BAZ2B: variants seen among roughly 807,000 people sequenced by gnomAD.
BAZ2B encodes bromodomain adjacent to zinc finger domain protein 2B.
In BAZ2B, 91 loss-of-function variants were observed where a neutral mutation model predicts 246.0. The observed-to-expected ratio is 0.37, with a 90% CI of 0.31 to 0.44. The LOEUF (loss-of-function observed/expected upper bound fraction) is 0.44, where lower values mean the gene tolerates loss of function less well. Ranked by LOEUF, BAZ2B falls within the 20% of genes least tolerant of loss-of-function variation. The pLI, the probability that BAZ2B is intolerant of heterozygous loss-of-function variation, is 1.00. For missense variants in BAZ2B, 2,332 were observed against 2,533.7 expected (o/e 0.92, Z 1.71); for synonymous variants, 855 against 860.0 (o/e 0.99, Z 0.10).
At chr2:159,590,948 A>G (rs1267390517) in intron 1 of BAZ2B, among the ~76,000 whole-genome samples, 3 of 152,178 alleles carry the variant, frequency 2.0e-5, no homozygotes, top group Non-Finnish European at 2.9e-5. Flanking sequence ...TCTTGAGTTG[A>G]TAAACATATA....
chr2:159,700,567 T>A, the BAZ2B span, among the ~76,000 whole-genome samples: 1 of 152,178 alleles, frequency 6.6e-6, no homozygotes, highest in African/African-American at 2.4e-5. Flanking sequence ...TGCCTCAGCC[T>A]CTCGAGTAGC....
chr2:159,530,188 C>G (rs1439463668), intron 2 of BAZ2B, among the ~76,000 whole-genome samples: 2 of 152,226 alleles, frequency 1.3e-5, no homozygotes, highest in Non-Finnish European at 2.9e-5. Flanking sequence ...CCTTCACCCT[C>G]TAAAACAGAG....
chr2:159,596,334 A>C (rs1248540863), intron 1 of BAZ2B, among the ~76,000 whole-genome samples: 1 of 152,218 alleles, frequency 6.6e-6, no homozygotes, highest in Non-Finnish European at 1.5e-5. Flanking sequence ...GCATTTTAGC[A>C]AATTTTAGTA....
chr2:159,676,646 T>TGC, the BAZ2B span, among the ~76,000 whole-genome samples: 1 of 23,142 alleles, frequency 4.3e-5, no homozygotes, highest in Non-Finnish European at 1.1e-4. Context: ...GGTATCTAAA[T>TGC]GCACACACAC....
At chr2:159,640,005 G>C in the BAZ2B span, among the ~76,000 whole-genome samples, 3 of 151,852 alleles carry the variant, frequency 2.0e-5, no homozygotes, top group African/African-American at 7.3e-5. Flanking sequence ...TAAAGGGATG[G>C]AAAAAAACAT....
intron 2 of BAZ2B, among the ~76,000 whole-genome samples, chr2:159,490,667 C>T (rs1488360384): frequency 1.3e-5 from 2 of 151,982 alleles, no homozygotes; most frequent in East Asian, 3.9e-4. Flanking sequence ...AGACCACAGG[C>T]TCATGCCAGC....
intron 2 of BAZ2B, among the ~76,000 whole-genome samples, chr2:159,509,637 A>G (rs548848374): frequency 6.6e-6 from 1 of 152,264 alleles, no homozygotes; most frequent in Non-Finnish European, 1.5e-5. Flanking sequence ...TTCCTCCAAA[A>G]AGTTAATGTA....
the BAZ2B span, among the ~76,000 whole-genome samples, chr2:159,639,285 T>G: frequency 2.0e-5 from 3 of 152,132 alleles, no homozygotes; most frequent in African/African-American, 7.2e-5. Flanking sequence ...CAAGAAATCT[T>G]AAAGGGATTT....
the BAZ2B span, among the ~76,000 whole-genome samples, chr2:159,678,095 A>G: frequency 1.3e-5 from 2 of 152,218 alleles, no homozygotes. Flanking sequence ...ATGTGAAGCC[A>G]CTAGAAAAAA....
the BAZ2B span, among the ~76,000 whole-genome samples, chr2:159,640,668 C>T: frequency 1.3e-5 from 2 of 151,726 alleles, no homozygotes; most frequent in African/African-American, 4.8e-5. Flanking sequence ...GGAAACACAA[C>T]ATATCAAAAC....
At chr2:159,615,474 T>C (rs1004002382) in intron 1 of BAZ2B, 1 of 152,264 alleles carries the variant, frequency 6.6e-6, no homozygotes, top group African/African-American at 2.4e-5. Flanking sequence ...CTTTTCCCAA[T>C]CCCACCTGCC....
the BAZ2B span, among the ~76,000 whole-genome samples, chr2:159,623,065 G>A: frequency 6.8e-6 from 1 of 147,352 alleles, no homozygotes; most frequent in Non-Finnish European, 1.5e-5. Context: ...AAGAGGGAAG[G>A]GAAGAGAAGG....
the BAZ2B span, among the ~76,000 whole-genome samples, chr2:159,628,400 C>G: frequency 6.6e-6 from 1 of 152,142 alleles, no homozygotes; most frequent in Non-Finnish European, 1.5e-5. Flanking sequence ...GTAGGCGTCA[C>G]GCTACCTGAC....
chr2:159,335,974 A>G (rs1285275629), intron 33 of BAZ2B, among the ~76,000 whole-genome samples: 1 of 152,180 alleles, frequency 6.6e-6, no homozygotes, highest in Non-Finnish European at 1.5e-5. Flanking sequence ...TGGCTTTGCC[A>G]ACATAGTGAA....
intron 2 of BAZ2B, among the ~76,000 whole-genome samples, chr2:159,487,013 T>C (rs770677935): frequency 7.2e-5 from 11 of 152,156 alleles, no homozygotes; most frequent in Non-Finnish European, 1.5e-4. Flanking sequence ...TGTAAGAAAT[T>C]TGTAACTGTA....
intron 2 of BAZ2B, among the ~76,000 whole-genome samples, chr2:159,481,105 CCTTTGCACTCTAGA>C (rs1268949343): frequency 6.6e-6 from 1 of 152,002 alleles, no homozygotes; most frequent in Non-Finnish European, 1.5e-5. Flanking sequence ...TCCACTCTAG[CCTTTGCACTCTAGA>C]ATGAAGATTG....
At chr2:159,666,883 C>T in the BAZ2B span, among the ~76,000 whole-genome samples, 1 of 151,612 alleles carries the variant, frequency 6.6e-6, no homozygotes, top group Non-Finnish European at 1.5e-5. Context: ...CAAAACAAAA[C>T]ACACATGGAC....
intron 34 of BAZ2B, among the ~76,000 whole-genome samples, chr2:159,331,022 A>G (rs1445493854): frequency 6.6e-6 from 1 of 152,196 alleles, no homozygotes. Context: ...TGGGAGAGAT[A>G]GCAGCACATC....
intron 36 of BAZ2B, among the ~76,000 whole-genome samples, chr2:159,323,581 T>G (rs1357769537): frequency 1.3e-5 from 2 of 151,892 alleles, no homozygotes; most frequent in Non-Finnish European, 2.9e-5. Flanking sequence ...GGTGGGCGGA[T>G]CACCTGAGGT....
Sources: allele counts gnomAD v4.1 joint callset (sites outside exome capture counted in the v4.1 genomes callset), GRCh38; gene constraint gnomAD v4.1.1; transcripts MANE v1.5; gene names NCBI Gene and HGNC (gene_info 2026-07-23, HGNC 2026-07-21).